DIAPH3: variants seen among roughly 807,000 people sequenced by gnomAD.
The protein encoded by DIAPH3 is diaphanous related formin 3.
DIAPH3 carries 117 observed loss-of-function variants against 144.3 expected under a neutral mutation model. The observed-to-expected ratio is 0.81, with a 90% CI of 0.70 to 0.95. The LOEUF (loss-of-function observed/expected upper bound fraction) is 0.95, where lower values mean the gene tolerates loss of function less well. DIAPH3 is among the 40% of genes least tolerant of loss of function. The probability of loss-of-function intolerance (pLI) is 0.00; values close to 1 mark genes in which losing one functional copy is unlikely to be tolerated. For missense variants in DIAPH3, 1,421 were observed against 1,412.7 expected (o/e 1.01, Z -0.09); for synonymous variants, 519 against 488.9 (o/e 1.06, Z -0.81).
chr13:59,857,316 A>T (rs1478479585), intron 22 of DIAPH3, among the ~76,000 whole-genome samples: 1 of 152,156 alleles, frequency 6.6e-6, no homozygotes, highest in African/African-American at 2.4e-5. Context: ...ATTTAGTAAG[A>T]CATTTATCAT....
intron 4 of DIAPH3, among the ~76,000 whole-genome samples, chr13:60,085,438 G>A (rs566432355): frequency 6.6e-6 from 1 of 152,196 alleles, no homozygotes; most frequent in East Asian, 1.9e-4. Context: ...ATCTTCTGCA[G>A]CCCAGTAATT....
At chr13:59,952,252 T>C in intron 17 of DIAPH3, among the ~76,000 whole-genome samples, 1 of 152,026 alleles carries the variant, frequency 6.6e-6, no homozygotes, top group East Asian at 1.9e-4. Context: ...GGGAAGTGAA[T>C]AATGGGGAGA....
chr13:59,987,493 A>G (rs1167096084), intron 12 of DIAPH3, among the ~76,000 whole-genome samples: 2 of 133,252 alleles, frequency 1.5e-5, no homozygotes, highest in African/African-American at 2.9e-5. Context: ...AAAAAAAGAA[A>G]AAAAAAAAAG....
chr13:59,939,416 T>C (rs770934589), intron 17 of DIAPH3, among the ~76,000 whole-genome samples: 1 of 152,302 alleles, frequency 6.6e-6, no homozygotes, highest in Non-Finnish European at 1.5e-5. Flanking sequence ...TCTAAGCTTA[T>C]AGTAGCCCAT....
chr13:59,810,261 G>T (rs1158606894), intron 25 of DIAPH3, among the ~76,000 whole-genome samples: 1 of 152,082 alleles, frequency 6.6e-6, no homozygotes, highest in Non-Finnish European at 1.5e-5. Context: ...CCAGGCTCAG[G>T]CGATCCTCCC....
intron 4 of DIAPH3, among the ~76,000 whole-genome samples, chr13:60,083,235 ATGAT>A (rs2057624252): frequency 6.6e-6 from 1 of 152,116 alleles, no homozygotes; most frequent in South Asian, 2.1e-4. Context: ...GATATTAAAA[ATGAT>A]TGATCATCTT....
intron 19 of DIAPH3, among the ~76,000 whole-genome samples, chr13:59,915,010 T>C (rs1448076677): frequency 6.6e-6 from 1 of 152,176 alleles, no homozygotes. Flanking sequence ...TTTTCTATTA[T>C]ATAACAAAAC....
chr13:59,812,198 A>G (rs966946433), intron 24 of DIAPH3, among the ~76,000 whole-genome samples: 5 of 152,126 alleles, frequency 3.3e-5, no homozygotes, highest in African/African-American at 1.2e-4. Context: ...ACCAACAACA[A>G]AAAGAAACAA....
In DIAPH3 at chr13:59,992,133, A is replaced by G. The variant is rs761952795; in HGVS notation, c.1179T>C (p.Asp393=). ...DGLDIQLKVF[D]EHKEEDLFEL... is the part of the protein sequence containing the mutation. The stretch of plus-strand genomic sequence containing the variant: ...CAAACAAATCTTCTTCTTTATGCTC[A>G]TCAAAGACTTTAAGTTGGATATCCA... The change falls in exon 11 of 28, where the codon GAT becomes GAC. Residue 393 remains aspartate, a synonymous_variant. Transcript: ENST00000400324. 1.2e-6 allele frequency: 2 copies of G among 1,612,034 alleles called. No individual in the cohort carries two copies. The highest frequency in any genetic ancestry group is 8.5e-7 in the Non-Finnish European group (1 of 1,178,808).
At chr13:60,120,641 G>A (rs1273768337) in intron 2 of DIAPH3, among the ~76,000 whole-genome samples, 2 of 152,166 alleles carry the variant, frequency 1.3e-5, no homozygotes, top group Non-Finnish European at 2.9e-5. Flanking sequence ...TTGAAAATAA[G>A]TTACAACATG....
At position 59,991,248 on chromosome 13, in the gene DIAPH3, A is replaced by G; in HGVS notation, c.1271T>C (p.Val424Ala). 1 of 1,610,864 alleles carries G rather than the reference A, an allele frequency of 6.2e-7. No individual in the cohort carries two copies. The highest frequency in any genetic ancestry group is 8.5e-7 in the Non-Finnish European group (1 of 1,178,026). ...LDEAYDVYNM[V>A]WSTVKETRAE... Reference sequence around the variant, plus strand: ...TCTAGTTTCTTTAACTGTGCTCCACACCATGTTGTAAACATCATATGCTTC... The same window carrying G: ...TCTAGTTTCTTTAACTGTGCTCCACGCCATGTTGTAAACATCATATGCTTC... The change falls in exon 12 of 28, where the codon GTG (valine) becomes GCG (alanine). Residue 424 changes from valine to alanine, a missense_variant. Val to Ala is a moderately conservative substitution (Grantham distance 64, BLOSUM62 0). Coordinates refer to ENST00000400324, the MANE Select transcript of DIAPH3 (RefSeq NM_001042517.2).
intron 13 of DIAPH3, among the ~76,000 whole-genome samples, chr13:59,983,081 G>T (rs890251588): frequency 7.3e-6 from 1 of 137,514 alleles, no homozygotes; most frequent in South Asian, 2.3e-4. Flanking sequence ...GCAAGTGCCT[G>T]ACGAAAACTT....
chr13:59,889,252 G>A (rs2045640580), intron 20 of DIAPH3, among the ~76,000 whole-genome samples: 1 of 151,914 alleles, frequency 6.6e-6, no homozygotes, highest in South Asian at 2.1e-4. Flanking sequence ...AGGTATTTTA[G>A]ACTGAATGAT....
At chr13:59,699,686 G>C (rs759517771) in intron 27 of DIAPH3, among the ~76,000 whole-genome samples, 1 of 152,326 alleles carries the variant, frequency 6.6e-6, no homozygotes, top group African/African-American at 2.4e-5. Context: ...GCCCACTGGG[G>C]AAAGTCCATG....
At chr13:59,958,604 A>T in intron 17 of DIAPH3, among the ~76,000 whole-genome samples, 1 of 152,070 alleles carries the variant, frequency 6.6e-6, no homozygotes, top group East Asian at 1.9e-4. Flanking sequence ...TATATGAAAT[A>T]AAAACATATA....
chr13:60,068,779 T>G (rs2057078176), intron 4 of DIAPH3, among the ~76,000 whole-genome samples: 1 of 152,200 alleles, frequency 6.6e-6, no homozygotes, highest in Non-Finnish European at 1.5e-5. Context: ...CTTAGGATAA[T>G]GGCCTCTGGT....
intron 1 of DIAPH3, among the ~76,000 whole-genome samples, chr13:60,138,769 A>AGAAGG (rs1329747403): frequency 1.3e-4 from 19 of 140,752 alleles, no homozygotes; most frequent in South Asian, 2.5e-4. Context: ...GAGAAGGAGA[A>AGAAGG]GGAGAAGGAG....
intron 1 of DIAPH3, among the ~76,000 whole-genome samples, chr13:60,152,012 C>G (rs1951811054): frequency 6.6e-6 from 1 of 152,078 alleles, no homozygotes; most frequent in Admixed American, 6.5e-5. Context: ...TTAATGTCAC[C>G]AATTTGCAAA....
intron 22 of DIAPH3, among the ~76,000 whole-genome samples, chr13:59,854,346 T>C (rs2043146592): frequency 6.6e-6 from 1 of 152,224 alleles, no homozygotes; most frequent in Non-Finnish European, 1.5e-5. Context: ...TAATTGGTTA[T>C]GGCAGCCCTA....
Sources: gnomAD v4.1 joint callset for allele counts (sites outside exome capture counted in the v4.1 genomes callset) on GRCh38, gnomAD v4.1.1 for gene constraint, MANE v1.5 for transcripts, NCBI Gene and HGNC (gene_info 2026-07-23, HGNC 2026-07-21) for gene names.